TAFA2: variants seen among roughly 807,000 people sequenced by gnomAD.
The protein encoded by TAFA2 is TAFA chemokine like family member 2, also known as chemokine-like protein TAFA-2.
Under a neutral mutation model 18.8 loss-of-function variants are expected in TAFA2, and 7 were observed. The ratio of observed to expected loss-of-function variants is 0.37; its 90% CI spans 0.21 to 0.70. TAFA2 has a LOEUF of 0.70. Among genes scored for constraint, TAFA2 ranks in the 30% least tolerant of loss-of-function variants. The pLI is 0.53. For synonymous variants in TAFA2, 60 were observed against 54.2 expected, an observed-to-expected ratio of 1.11 and a Z score of -0.47; for missense variants, 122 against 158.1, an observed-to-expected ratio of 0.77 and a Z score of 1.23.
intron 1 of TAFA2, among the ~76,000 whole-genome samples, chr12:61,999,953 G>A (rs1880325897): frequency 6.6e-6 from 1 of 152,116 alleles, no homozygotes; most frequent in South Asian, 2.1e-4. Flanking sequence ...TGATATAGGA[G>A]AGCTTTCTCA....
chr12:61,973,389 A>G (rs1011173784), intron 1 of TAFA2, among the ~76,000 whole-genome samples: 1 of 121,904 alleles, frequency 8.2e-6, no homozygotes, highest in Non-Finnish European at 1.6e-5. Flanking sequence ...GGAAAATATT[A>G]TTTAGATTTT....
chr12:62,182,505 C>T (rs939915470), intron 1 of TAFA2, among the ~76,000 whole-genome samples: 1 of 152,182 alleles, frequency 6.6e-6, no homozygotes, highest in African/African-American at 2.4e-5. Context: ...GTCCACGGGC[C>T]AACAGTATTC....
At chr12:61,735,629 AT>A (rs1177238141) in intron 4 of TAFA2, among the ~76,000 whole-genome samples, 1 of 151,848 alleles carries the variant, frequency 6.6e-6, no homozygotes, top group East Asian at 1.9e-4. Flanking sequence ...CCTGTTCTAG[AT>A]TTATTTTCCC....
At chr12:61,957,542 G>A (rs376051609) in intron 1 of TAFA2, among the ~76,000 whole-genome samples, 137 of 152,160 alleles carry the variant, frequency 9.0e-4, no homozygotes, top group Non-Finnish European at 1.5e-3. Context: ...ATCAAGTATC[G>A]AAAGTGGGGG....
intron 1 of TAFA2, among the ~76,000 whole-genome samples, chr12:61,973,157 G>T (rs1014236667): frequency 6.6e-6 from 1 of 151,510 alleles, no homozygotes; most frequent in Non-Finnish European, 1.5e-5. Flanking sequence ...GGCAGTAAAG[G>T]TCACTTGGGT....
chr12:62,000,034 A>T (rs1431443821), intron 1 of TAFA2, among the ~76,000 whole-genome samples: 1 of 152,184 alleles, frequency 6.6e-6, no homozygotes, highest in African/African-American at 2.4e-5. Context: ...AGACACACCA[A>T]AATAAATCAG....
At chr12:62,068,133 A>G (rs907570981) in intron 1 of TAFA2, among the ~76,000 whole-genome samples, 1 of 152,066 alleles carries the variant, frequency 6.6e-6, no homozygotes, top group Admixed American at 6.5e-5. Context: ...AAAAAAGCTT[A>G]TTTACCTTCC....
chr12:62,224,084 C>T (rs1246612101), intron 1 of TAFA2, among the ~76,000 whole-genome samples: 1 of 64,962 alleles, frequency 1.5e-5, no homozygotes, highest in African/African-American at 9.5e-5. Flanking sequence ...TATGTGCATA[C>T]ACACACACAC....
intron 1 of TAFA2, among the ~76,000 whole-genome samples, chr12:62,179,293 G>A (rs2062536090): frequency 6.6e-6 from 1 of 152,114 alleles, no homozygotes; most frequent in Non-Finnish European, 1.5e-5. Flanking sequence ...GGAGGAAGTC[G>A]ACAGAAAGGA....
intron 2 of TAFA2, among the ~76,000 whole-genome samples, chr12:61,834,629 T>C (rs2121102695): frequency 6.6e-6 from 1 of 152,070 alleles, no homozygotes; most frequent in East Asian, 1.9e-4. Flanking sequence ...CCCAGGTCCC[T>C]TCCTGGGAAA....
At chr12:61,814,423 A>C (rs929426345) in intron 2 of TAFA2, among the ~76,000 whole-genome samples, 2 of 151,306 alleles carry the variant, frequency 1.3e-5, no homozygotes, top group Admixed American at 1.3e-4. Context: ...CAGACATTGA[A>C]GGATCTTAAC....
At chr12:62,108,489 T>C (rs1032851414) in intron 1 of TAFA2, among the ~76,000 whole-genome samples, 1 of 152,230 alleles carries the variant, frequency 6.6e-6, no homozygotes, top group African/African-American at 2.4e-5. Flanking sequence ...TATAATCCTT[T>C]GGGTACATAC....
chr12:61,820,958 T>C (rs1190771853), intron 2 of TAFA2, among the ~76,000 whole-genome samples: 1 of 151,994 alleles, frequency 6.6e-6, no homozygotes, highest in African/African-American at 2.4e-5. Context: ...TGGACAGATG[T>C]ATTTATTCAC....
intron 2 of TAFA2, among the ~76,000 whole-genome samples, chr12:61,816,660 G>A (rs909267836): frequency 2.0e-5 from 3 of 151,090 alleles, no homozygotes; most frequent in Non-Finnish European, 4.4e-5. Context: ...GCGTTCCTAG[G>A]GCTATTTTAA....
chr12:61,836,756 T>TATATATATAC lies in TAFA2; in HGVS notation c.106+30563_106+30564insGTATATATAT, dbSNP rs68158949. 8.7e-4 allele frequency among the ~76,000 whole-genome samples: 104 copies of TATATATATAC among 119,738 alleles called. 1 individual carries two copies. Among genetic ancestry groups the TATATATATAC allele is most frequent in the Middle Eastern group, 5.4e-3 (1 of 186 alleles). The allele number at this position is 119,738 out of a possible 152,430, so 78.6% of individuals were successfully genotyped here. On this transcript the variant is annotated intron_variant, in intron 2 of 4. Transcript: ENST00000416284. ...TGATATATATATATATATATATATA[T>TATATATATAC]ACACACACACACACAAATACATATA...
intron 1 of TAFA2, among the ~76,000 whole-genome samples, chr12:62,172,601 C>T (rs1565769597): frequency 6.6e-6 from 1 of 152,150 alleles, no homozygotes; most frequent in African/African-American, 2.4e-5. Flanking sequence ...ATGGACCAAA[C>T]AAAATGCTCA....
intron 4 of TAFA2, among the ~76,000 whole-genome samples, chr12:61,746,969 C>A (rs1407195202): frequency 6.6e-6 from 1 of 152,122 alleles, no homozygotes; most frequent in Non-Finnish European, 1.5e-5. Context: ...ACCTACTCAT[C>A]TGACAAAGGG....
At chr12:62,102,171 TTATATTTTCTTTGAGTTTA>T (rs2136851163) in intron 1 of TAFA2, among the ~76,000 whole-genome samples, 1 of 152,308 alleles carries the variant, frequency 6.6e-6, no homozygotes, top group African/African-American at 2.4e-5. Context: ...CCTCCCTTGA[TTATATTTTCTTTGAGTTTA>T]AAGTAAGCAA....
chr12:61,940,379 G>A (rs775211964), intron 1 of TAFA2, among the ~76,000 whole-genome samples: 1 of 152,348 alleles, frequency 6.6e-6, no homozygotes, highest in East Asian at 1.9e-4. Context: ...ATTAGGAAAC[G>A]TGTGTTGGCA....
Sources: gnomAD v4.1 joint callset for allele counts (sites outside exome capture counted in the v4.1 genomes callset) on GRCh38, gnomAD v4.1.1 for gene constraint, MANE v1.5 for transcripts, NCBI Gene and HGNC (gene_info 2026-07-23, HGNC 2026-07-21) for gene names.